The following IL12RB2 variants were observed in gnomAD, a reference collection of about 807,000 sequenced individuals.
IL12RB2 encodes interleukin 12 receptor subunit beta 2.
A neutral mutation model predicts 89.4 loss-of-function variants in IL12RB2; 82 were observed. The observed-to-expected ratio is 0.92, with a 90% CI of 0.77 to 1.10. The LOEUF is 1.10. Ranked by LOEUF, IL12RB2 falls within the 50% of genes least tolerant of loss-of-function variation. The pLI, the probability that IL12RB2 is intolerant of heterozygous loss-of-function variation, is 0.00. For synonymous variants in IL12RB2, 368 were observed against 370.1 expected (o/e 0.99, Z 0.07); for missense variants, 963 against 1,031.9 (o/e 0.93, Z 0.92).
chr1:67,364,299 G>A (rs1177152293), intron 10 of IL12RB2, among the ~76,000 whole-genome samples: 1 of 152,224 alleles, frequency 6.6e-6, no homozygotes, highest in Non-Finnish European at 1.5e-5. Flanking sequence ...GATGAGGCAG[G>A]AGAATCACTT....
intron 8 of IL12RB2, among the ~76,000 whole-genome samples, chr1:67,332,762 T>C (rs72678531): frequency 0.17 from 26,210 of 152,200 alleles, 2,347 homozygotes; most frequent in Middle Eastern, 0.24. Context: ...TTCAAGGTAG[T>C]AAGTAGTCTG....
chr1:67,341,995 G>C (rs1659680700), intron 9 of IL12RB2, among the ~76,000 whole-genome samples: 1 of 152,178 alleles, frequency 6.6e-6, no homozygotes, highest in Non-Finnish European at 1.5e-5. Context: ...CAGGTGATTT[G>C]AGTCCACTCT....
At chr1:67,353,172 C>T (rs576619632) in intron 10 of IL12RB2, among the ~76,000 whole-genome samples, 2 of 152,334 alleles carry the variant, frequency 1.3e-5, no homozygotes, top group South Asian at 2.1e-4. Context: ...CCTACACCAA[C>T]ATTAAAGGGA....
intron 2 of IL12RB2, among the ~76,000 whole-genome samples, chr1:67,320,118 C>T (rs891706510): frequency 6.6e-6 from 1 of 152,136 alleles, no homozygotes; most frequent in East Asian, 1.9e-4. Flanking sequence ...TTCTCTAATC[C>T]TTTGCTGACC....
Position 67,319,013 on chromosome 1 carries a change from C to T in IL12RB2, c.-36-1320C>T, listed in dbSNP as rs1436998855. ...AGGGTTTTCCTGAATGATGGCTAGGCTAGAGGTAGAGGAAACAAAGGGCGC... is the reference window on the plus strand; with the variant it reads ...AGGGTTTTCCTGAATGATGGCTAGGTTAGAGGTAGAGGAAACAAAGGGCGC... On this transcript the variant is annotated intron_variant, in intron 2 of 16. Transcript: ENST00000674203. Among the ~76,000 whole-genome samples, 4 of 152,274 alleles carry T rather than the reference C, an allele frequency of 2.6e-5. No individual in the cohort carries two copies. The East Asian group carries it at 7.7e-4, about 29-fold the overall frequency.
chr1:67,392,133 A>C lies in IL12RB2; in HGVS notation c.2046+2005A>C, dbSNP rs550416889. Among the ~76,000 whole-genome samples the C allele has an allele frequency of 6.6e-5, 10 of 152,226 alleles. No homozygotes were observed. The South Asian group carries it at 2.1e-3, about 32-fold the overall frequency. On this transcript the variant is annotated intron_variant, in intron 16 of 16. Coordinates refer to ENST00000674203, the MANE Select transcript of IL12RB2 (RefSeq NM_001374259.2). ...ACGGGGTGAGGAGAGAGTTTCTAGC[A>C]GTCTACACCTCTGAGCTGAAGAGAC... is the stretch of plus-strand genomic sequence containing the variant.
In IL12RB2 at chr1:67,329,749, AG is replaced by A; in HGVS notation, c.807+22del. ...AATATGGTAATTATCTTTAGAGTGA[AG>A]GAAAAAACACTGAAGCATTCTTAAT... On this transcript the variant is annotated intron_variant, in intron 7 of 16. Coordinates refer to ENST00000674203, the MANE Select transcript of IL12RB2 (RefSeq NM_001374259.2). 1 of 1,554,828 alleles carries A rather than the reference AG, an allele frequency of 6.4e-7. No individual in the cohort carries two copies. Among genetic ancestry groups the A allele is most frequent in the Non-Finnish European group, 8.9e-7 (1 of 1,126,078 alleles).
chr1:67,346,941 G>A (rs1660304252), intron 9 of IL12RB2, among the ~76,000 whole-genome samples: 1 of 152,124 alleles, frequency 6.6e-6, no homozygotes, highest in South Asian at 2.1e-4. Flanking sequence ...TTACTTTAGA[G>A]TAACTGAGAG....
intron 11 of IL12RB2, among the ~76,000 whole-genome samples, chr1:67,370,940 C>T (rs543384802): frequency 6.6e-6 from 1 of 152,300 alleles, no homozygotes; most frequent in East Asian, 1.9e-4. Context: ...AAGGCCTCTG[C>T]CCTGAACTCA....
chr1:67,382,732 G>T (rs538334405), intron 14 of IL12RB2, among the ~76,000 whole-genome samples: 7 of 133,752 alleles, frequency 5.2e-5, no homozygotes, highest in African/African-American at 1.9e-4. Flanking sequence ...TTGAGACAGG[G>T]TCTCACTCTA....
intron 9 of IL12RB2, among the ~76,000 whole-genome samples, chr1:67,346,099 C>T (rs1660188891): frequency 6.6e-6 from 1 of 152,076 alleles, no homozygotes; most frequent in Non-Finnish European, 1.5e-5. Flanking sequence ...AAGAGTTCAC[C>T]TCTTGGTAGA....
intron 4 of IL12RB2, among the ~76,000 whole-genome samples, chr1:67,324,502 C>A (rs183737291): frequency 6.6e-6 from 1 of 152,048 alleles, no homozygotes; most frequent in East Asian, 1.9e-4. Flanking sequence ...ATTATAGACA[C>A]GCACCACCAT....
In IL12RB2 at chr1:67,380,717, C is replaced by T. The variant is rs1664482212; in HGVS notation, c.1855+594C>T. On this transcript the variant is annotated intron_variant, in intron 14 of 16. Transcript: ENST00000674203. ...AATCAAGGTGTCAGCAGGGTTGGTT[C>T]TTTCGGAGGGCTATGAGAGAGAATC... Among the ~76,000 whole-genome samples, 3 of 152,152 alleles carry T rather than the reference C, an allele frequency of 2.0e-5. No homozygotes were observed. In the South Asian group the frequency reaches 6.2e-4, roughly 32 times the overall value.
In IL12RB2 at chr1:67,326,761, T is replaced by G. The variant is rs746086306; in HGVS notation, c.391T>G (p.Ser131Ala). The G allele has an allele frequency of 8.7e-6, 14 of 1,613,514 alleles. No individual in the cohort carries two copies. In the Admixed American group the frequency reaches 1.3e-4, roughly 15 times the overall value. Residue 131 changes from serine (S) to alanine (A), a missense_variant, in exon 5 of 17, where the codon TCC (serine) becomes GCC (alanine). Transcript: ENST00000674203. Reference sequence around the variant, plus strand: ...TGCTCCAGAACAGCCTCAAAATTTATCCTGCATACAGAAGGGAGAACAGGG... The same window carrying G: ...TGCTCCAGAACAGCCTCAAAATTTAGCCTGCATACAGAAGGGAGAACAGGG... ...GVAPEQPQNL[S>A]CIQKGEQGTV... is the part of the protein sequence containing the mutation.
chr1:67,309,045 CATATAT>C (rs146292829), intron 1 of IL12RB2, among the ~76,000 whole-genome samples: 1 of 149,370 alleles, frequency 6.7e-6, no homozygotes, highest in African/African-American at 2.5e-5. Context: ...CATACATATA[CATATAT>C]ATATATATAC....
chr1:67,334,361 A>G (rs1278464772), intron 8 of IL12RB2, among the ~76,000 whole-genome samples: 1 of 152,264 alleles, frequency 6.6e-6, no homozygotes, highest in Non-Finnish European at 1.5e-5. Flanking sequence ...CTATTGTCAC[A>G]TGCAAGCTGC....
At chr1:67,334,769 G>A (rs1658548746) in intron 8 of IL12RB2, among the ~76,000 whole-genome samples, 1 of 152,120 alleles carries the variant, frequency 6.6e-6, no homozygotes, top group Admixed American at 6.5e-5. Flanking sequence ...ATGAGCCACC[G>A]CGCCCGGCCG....
intron 11 of IL12RB2, among the ~76,000 whole-genome samples, chr1:67,372,006 A>G (rs944493989): frequency 2.0e-5 from 3 of 152,178 alleles, no homozygotes; most frequent in African/African-American, 7.2e-5. Flanking sequence ...ATTTGTAGGA[A>G]TCAAAAGGTT....
chr1:67,363,211 ATTTTTTTT>A (rs199805464), intron 10 of IL12RB2, among the ~76,000 whole-genome samples: 2 of 97,222 alleles, frequency 2.1e-5, no homozygotes, highest in South Asian at 3.5e-4. Flanking sequence ...AATTATTCTT[ATTTTTTTT>A]TTTTTTTTTT....
Sources: gnomAD v4.1 joint callset for allele counts (sites outside exome capture counted in the v4.1 genomes callset) on GRCh38, gnomAD v4.1.1 for gene constraint, MANE v1.5 for transcripts, NCBI Gene and HGNC (gene_info 2026-07-23, HGNC 2026-07-21) for gene names.